The following ACVR1 variants were observed in gnomAD, a reference collection of about 807,000 sequenced individuals.
ACVR1 encodes the protein activin receptor type-1.
In ACVR1, 38 loss-of-function variants were observed where a neutral mutation model predicts 57.1. The ratio of observed to expected loss-of-function variants is 0.67; its 90% CI spans 0.51 to 0.87. The LOEUF (loss-of-function observed/expected upper bound fraction) is 0.87, where lower values mean the gene tolerates loss of function less well. ACVR1 is among the 40% of genes least tolerant of loss of function. ACVR1 has a pLI of 0.00. For missense variants in ACVR1, 463 were observed against 638.2 expected, an observed-to-expected ratio of 0.73 and a Z score of 2.96; for synonymous variants, 212 against 228.1, an observed-to-expected ratio of 0.93 and a Z score of 0.63.
intron 6 of ACVR1, among the ~76,000 whole-genome samples, chr2:157,772,690 C>G (rs750807980): frequency 6.6e-6 from 1 of 152,196 alleles, no homozygotes; most frequent in Non-Finnish European, 1.5e-5. Flanking sequence ...GTCTTCCCAC[C>G]ACTATCCAGA....
At chr2:157,808,156 C>T (rs1687627608) in intron 2 of ACVR1, among the ~76,000 whole-genome samples, 1 of 152,046 alleles carries the variant, frequency 6.6e-6, no homozygotes, top group African/African-American at 2.4e-5. Context: ...CACTTACTTA[C>T]TAGTTTAAAA....
At chr2:157,830,105 G>A (rs1688531237) in intron 1 of ACVR1, among the ~76,000 whole-genome samples, 1 of 152,180 alleles carries the variant, frequency 6.6e-6, no homozygotes, top group Non-Finnish European at 1.5e-5. Context: ...TGTAATCCCA[G>A]CTACTTGGGA....
intron 1 of ACVR1, among the ~76,000 whole-genome samples, chr2:157,871,885 C>A (rs529363625): frequency 6.6e-6 from 1 of 152,130 alleles, no homozygotes; most frequent in East Asian, 1.9e-4. Context: ...CCATCTGAAC[C>A]AAAGGCTGTG....
chr2:157,839,704 G>C (rs544435177), intron 1 of ACVR1, among the ~76,000 whole-genome samples: 60 of 152,152 alleles, frequency 3.9e-4, no homozygotes, highest in Non-Finnish European at 7.6e-4. Flanking sequence ...AACATCCCAA[G>C]GGCATCAGGA....
At chr2:157,824,714 A>G (rs1281265041) in intron 1 of ACVR1, among the ~76,000 whole-genome samples, 1 of 151,888 alleles carries the variant, frequency 6.6e-6, no homozygotes, top group African/African-American at 2.4e-5. Context: ...ACAGACACAC[A>G]TGCACTCCTC....
In ACVR1 at chr2:157,770,992, T is replaced by C. The variant is rs1686052140; in HGVS notation, c.644-478A>G. Among the ~76,000 whole-genome samples, 3 of 152,184 alleles carry C rather than the reference T, an allele frequency of 2.0e-5. No homozygotes were observed. The South Asian group carries it at 6.2e-4, about 32-fold the overall frequency. On this transcript the variant is annotated intron_variant, in intron 6 of 10. Transcript: ENST00000434821. ...AGGATCAACATAGGCACTGTCCAAATTGGTGAATTTAGATATGCATTTTTT... is the reference window on the plus strand; with the variant it reads ...AGGATCAACATAGGCACTGTCCAAACTGGTGAATTTAGATATGCATTTTTT...
chr2:157,781,105 G>A (rs1686504819), intron 3 of ACVR1, among the ~76,000 whole-genome samples: 1 of 152,140 alleles, frequency 6.6e-6, no homozygotes, highest in African/African-American at 2.4e-5. Context: ...TGACATTCTT[G>A]CAGGTACATG....
intron 1 of ACVR1, among the ~76,000 whole-genome samples, chr2:157,820,031 G>GA (rs906847680): frequency 6.6e-6 from 1 of 152,016 alleles, no homozygotes; most frequent in African/African-American, 2.4e-5. Context: ...TAATTATGGG[G>GA]AAAAATCTTC....
chr2:157,820,060 G>A lies in ACVR1; in HGVS notation c.-182-1501C>T, dbSNP rs935161132. Among the ~76,000 whole-genome samples, 9 of 152,226 alleles carry A rather than the reference G, an allele frequency of 5.9e-5. No homozygotes were observed. The East Asian group carries it at 9.6e-4, about 16-fold the overall frequency. ...AATCTTCCCATCCACCTTGGAATTC[G>A]AGGGAAATGTTTTACAGATACTATC... On this transcript the variant is annotated intron_variant, in intron 1 of 10. Transcript: ENST00000434821.
At chr2:157,857,947 A>G (rs1574155313) in intron 1 of ACVR1, among the ~76,000 whole-genome samples, 2 of 152,174 alleles carry the variant, frequency 1.3e-5, no homozygotes, top group Admixed American at 1.3e-4. Flanking sequence ...CATAACTTCC[A>G]TGAGTAACCA....
At chr2:157,769,973 A>G (rs1686014367) in intron 7 of ACVR1, among the ~76,000 whole-genome samples, 2 of 152,216 alleles carry the variant, frequency 1.3e-5, no homozygotes, top group Non-Finnish European at 2.9e-5. Flanking sequence ...TATCCCTGGG[A>G]GCTGTGAATC....
chr2:157,742,841 C>A (rs1471240690), intron 9 of ACVR1, among the ~76,000 whole-genome samples: 3 of 152,226 alleles, frequency 2.0e-5, no homozygotes, highest in Non-Finnish European at 4.4e-5. Context: ...TTCCGCTTGA[C>A]AGCTGCATGT....
chr2:157,737,608 T>C lies in ACVR1; in HGVS notation c.1453A>G (p.Arg485Gly). The change falls in exon 11 of 11, where the codon AGA becomes GGA. Residue 485 changes from arginine (R) to glycine (G), a missense_variant. Physicochemically the swap from Arg to Gly is moderately radical, Grantham distance 125 (BLOSUM62 -2). Around this residue, in one of 3 missense-constraint regions of ACVR1, gnomAD observed 146 missense variants for 186.6 expected, o/e 0.78. Coordinates refer to ENST00000434821, the MANE Select transcript of ACVR1 (RefSeq NM_001111067.4). ...TTTTTGATACGCAGTGCTGTGAGTC[T>C]TGCGGATGGATTTTGATACCAGCAT... ...KECWYQNPSA[R>G]LTALRIKKTL... The C allele has an allele frequency of 2.5e-6, 4 of 1,614,162 alleles. No individual in the cohort carries two copies. The highest frequency in any genetic ancestry group is 3.4e-6 in the Non-Finnish European group (4 of 1,179,982).
intron 9 of ACVR1, among the ~76,000 whole-genome samples, chr2:157,753,124 T>G (rs1219794976): frequency 6.6e-6 from 1 of 152,134 alleles, no homozygotes; most frequent in Non-Finnish European, 1.5e-5. Context: ...GAAAAGATAT[T>G]CCATGCAAAT....
At position 157,773,717 on chromosome 2, in the gene ACVR1, A is replaced by C. The variant is rs187137918; in HGVS notation, c.643+371T>G. Reference sequence around the variant, plus strand: ...TTAAAAAGAAGAAAAGAATGAGAGGAATTAAAGAATTGCAATAAAGAAGTT... The same window carrying C: ...TTAAAAAGAAGAAAAGAATGAGAGGCATTAAAGAATTGCAATAAAGAAGTT... On this transcript the variant is annotated intron_variant, in intron 6 of 10. Transcript: ENST00000434821. Among the ~76,000 whole-genome samples, 473 of 152,322 alleles carry C rather than the reference A, an allele frequency of 3.1e-3. 1 individual carries two copies. The highest frequency in any genetic ancestry group is 5.4e-3 in the Non-Finnish European group (368 of 68,038).
At chr2:157,872,968 C>T (rs950312918) in intron 1 of ACVR1, among the ~76,000 whole-genome samples, 11 of 152,124 alleles carry the variant, frequency 7.2e-5, no homozygotes, top group Non-Finnish European at 1.0e-4. Context: ...GTTGGGGTTT[C>T]GGTGCAAGTA....
At chr2:157,804,099 A>G (rs185324532) in intron 2 of ACVR1, among the ~76,000 whole-genome samples, 92 of 152,266 alleles carry the variant, frequency 6.0e-4, no homozygotes, top group African/African-American at 2.0e-3. Flanking sequence ...AGTATCACAC[A>G]TATCATTGGA....
intron 3 of ACVR1, among the ~76,000 whole-genome samples, chr2:157,794,683 G>C (rs1405626515): frequency 6.6e-6 from 1 of 152,106 alleles, no homozygotes; most frequent in African/African-American, 2.4e-5. Flanking sequence ...CACTTGTGAG[G>C]ATTATAGGAA....
At chr2:157,767,456 G>C (rs1011203437) in intron 7 of ACVR1, among the ~76,000 whole-genome samples, 7 of 152,238 alleles carry the variant, frequency 4.6e-5, no homozygotes, top group Middle Eastern at 3.4e-3. Context: ...TTCTGCTACA[G>C]AGGTGCCTTT....
Sources: allele counts gnomAD v4.1 joint callset (sites outside exome capture counted in the v4.1 genomes callset), GRCh38; gene constraint gnomAD v4.1.1; regional missense constraint gnomAD v4.1.1; transcripts MANE v1.5; gene names NCBI Gene and HGNC (gene_info 2026-07-23, HGNC 2026-07-21).